Variants in PLCH2 observed in about 807,000 individuals in gnomAD.
The protein encoded by PLCH2 is phospholipase C eta 2, also known as 1-phosphatidylinositol 4,5-bisphosphate phosphodiesterase eta-2.
Under a neutral mutation model 134.7 loss-of-function variants are expected in PLCH2, and 98 were observed. The ratio of observed to expected loss-of-function variants is 0.73; its 90% CI spans 0.62 to 0.86. The LOEUF is 0.86. Among genes scored for constraint, PLCH2 ranks in the 40% least tolerant of loss-of-function variants. The pLI, the probability that PLCH2 is intolerant of heterozygous loss-of-function variation, is 0.00. For synonymous variants in PLCH2, 974 were observed against 827.5 expected (o/e 1.18, Z -3.04); for missense variants, 1,994 against 1,986.6 (o/e 1.00, Z -0.07).
Position 2,479,270 on chromosome 1 carries a change from C to T in PLCH2, c.272-464C>T, listed in dbSNP as rs906064401. 5.4e-5 allele frequency: 9 copies of T among 167,254 alleles called. No individual in the cohort carries two copies. The East Asian group carries it at 8.4e-4, about 16-fold the overall frequency. 10.4% of individuals were successfully genotyped at this position (167,254 alleles called of 1,614,324 possible). On this transcript the variant is annotated intron_variant, in intron 2 of 21. Transcript: ENST00000378486. The stretch of plus-strand genomic sequence containing the variant: ...GCCACTTTGGGCCCGTGGAGAGAGT[C>T]GCGCTGCGGAGCCCCCAGGGGGACC...
chr1:2,424,415 T>C (rs1423897509), upstream of PLCH2, among the ~76,000 whole-genome samples: 1 of 152,228 alleles, frequency 6.6e-6, no homozygotes, highest in African/African-American at 2.4e-5. Flanking sequence ...CTTTCTACCC[T>C]GCTTCTATGA....
At position 2,501,057 on chromosome 1, in the gene PLCH2, C is replaced by T. The variant is rs955075552; in HGVS notation, c.2662-1055C>T. 17 of 152,092 alleles carry T rather than the reference C, an allele frequency of 1.1e-4. No homozygotes were observed. The East Asian group carries it at 2.1e-3, about 19-fold the overall frequency. 9.4% of individuals were successfully genotyped at this position (152,092 alleles called of 1,614,324 possible). A position where few individuals can be genotyped will look rare whatever the true frequency, so the allele number is the denominator to read the frequency against. On this transcript the variant is annotated intron_variant, in intron 20 of 21. Transcript: ENST00000378486. ...GAGGGCACCCCTGAGGCCGGCGCTC[C>T]GAGCCAGAATCCCGGATCTGCTTCT...
intron 2 of PLCH2, among the ~76,000 whole-genome samples, chr1:2,434,583 C>T (rs1169180559): frequency 6.6e-6 from 1 of 152,248 alleles, no homozygotes; most frequent in African/African-American, 2.4e-5. Flanking sequence ...CTTTGAGATG[C>T]AGAACCCTGG....
chr1:2,435,140 C>G (rs77488960), intron 2 of PLCH2, among the ~76,000 whole-genome samples: 12,577 of 152,194 alleles, frequency 0.083, 654 homozygotes, highest in East Asian at 0.25. Context: ...TCCAGGAGCT[C>G]TGCTGGGAGG....
intron 1 of PLCH2, among the ~76,000 whole-genome samples, chr1:2,469,088 C>T (rs1430558787): frequency 6.6e-6 from 1 of 152,178 alleles, no homozygotes; most frequent in Non-Finnish European, 1.5e-5. Context: ...TGCACCCACT[C>T]GCTGACCGCA....
rs1021598928 is a variant in PLCH2, at chr1:2,447,518, C to T, written c.115+16889C>T. On this transcript the variant is annotated intron_variant, in intron 2 of 3. Transcript: ENST00000609981. ...GTGGAGATTCCACCAGGGGAGGCCC[C>T]GTGTTGAGGGCCTGCAGCTCCAGGG... Among the ~76,000 whole-genome samples the T allele has an allele frequency of 5.9e-5, 9 of 152,280 alleles. 1 individual carries two copies. The highest frequency in any genetic ancestry group is 1.2e-4 in the African/African-American group (5 of 41,556).
the PLCH2 span, among the ~76,000 whole-genome samples, chr1:2,417,832 C>T: frequency 7.9e-5 from 12 of 152,202 alleles, no homozygotes; most frequent in African/African-American, 1.2e-4. Flanking sequence ...GAGGTGTGAC[C>T]TTGAGCAGCT....
At chr1:2,450,495 C>T (rs1241637699) in intron 2 of PLCH2, among the ~76,000 whole-genome samples, 1 of 150,790 alleles carries the variant, frequency 6.6e-6, no homozygotes, top group Non-Finnish European at 1.5e-5. Context: ...AGCCTGCGCC[C>T]TATACAGCCT....
At chr1:2,462,325 C>T (rs540172965) in intron 2 of PLCH2, among the ~76,000 whole-genome samples, 9 of 123,500 alleles carry the variant, frequency 7.3e-5, no homozygotes, top group Non-Finnish European at 1.6e-4. Context: ...CTCTGCCTGA[C>T]ACCCCTCTGC....
chr1:2,420,058 G>A, the PLCH2 span, among the ~76,000 whole-genome samples: 1 of 151,456 alleles, frequency 6.6e-6, no homozygotes, highest in African/African-American at 2.4e-5. Flanking sequence ...ATGGGGGTGG[G>A]GGCAGGCACA....
rs780253820 is a variant in PLCH2, at chr1:2,489,717, C to A, written c.1408-43C>A. Reference sequence around the variant, plus strand: ...TGGGTGCCAGGTACTGGCTTCCCAGCATTTTCTCCAGGGCCCCTCCCATCA... The same window carrying A: ...TGGGTGCCAGGTACTGGCTTCCCAGAATTTTCTCCAGGGCCCCTCCCATCA... On this transcript the variant is annotated intron_variant, in intron 9 of 21. Transcript: ENST00000378486. 8.1e-6 allele frequency: 12 copies of A among 1,480,214 alleles called. No individual in the cohort carries two copies. The South Asian group carries it at 1.1e-4, about 14-fold the overall frequency. The allele number at this position is 1,480,214 out of a possible 1,614,324, so 91.7% of individuals were successfully genotyped here.
Position 2,490,290 on chromosome 1 carries a change from T to C in PLCH2, c.1515+423T>C, listed in dbSNP as rs531248169. Among the ~76,000 whole-genome samples, 86 of 152,272 alleles carry C rather than the reference T, an allele frequency of 5.6e-4. 1 individual carries two copies. The highest frequency in any genetic ancestry group is 1.2e-3 in the South Asian group (6 of 4,826). On this transcript the variant is annotated intron_variant, in intron 10 of 21. Transcript: ENST00000378486. ...CAAGTCTGGCTGGACGCTGGGTGGC[T>C]GGTAGTACTGCCCAGCCACCCCCGT... is the stretch of plus-strand genomic sequence containing the variant.
At chr1:2,485,086 G>C (rs1002588750) in intron 5 of PLCH2, among the ~76,000 whole-genome samples, 1 of 152,152 alleles carries the variant, frequency 6.6e-6, no homozygotes, top group Non-Finnish European at 1.5e-5. Flanking sequence ...TAGGGTGCCA[G>C]GCCCGCCACA....
chr1:2,433,064 C>T (rs1003319484), intron 2 of PLCH2, among the ~76,000 whole-genome samples: 7 of 152,218 alleles, frequency 4.6e-5, no homozygotes, highest in South Asian at 2.1e-4. Context: ...CTGGGAGGAT[C>T]GAACAGCTTG....
rs1288677689 is a variant in PLCH2 at position 2,467,653 on chromosome 1, C to T, written c.34C>T (p.Gln12Ter). 1 of 411,846 alleles carries T rather than the reference C, an allele frequency of 2.4e-6. No homozygotes were observed. 25.5% of individuals were successfully genotyped at this position (411,846 alleles called of 1,614,324 possible). A position where few individuals can be genotyped will look rare whatever the true frequency, so the allele number is the denominator to read the frequency against. The change falls in exon 1 of 22, where the codon CAA becomes TAA. Residue 12 changes from glutamine to a stop codon, truncating the protein, a stop_gained. Coordinates refer to the PLCH2 transcript ENST00000449969. LOFTEE classifies it high-confidence loss of function. ...GCCTGGGCCCCCAGGTGGGCTCAGC[C>T]AAGACCAAGGTAAGGGGGCAGGTGG...
intron 19 of PLCH2, 111 bp from the exon 20 acceptor site, chr1:2,499,530 C>T: frequency 2.4e-6 from 2 of 844,990 alleles, no homozygotes; most frequent in Non-Finnish European, 3.9e-6. Context: ...CAGGCCTGGG[C>T]TTGTTGGGTG....
chr1:2,426,669 G>T (rs1638812939), intron 1 of PLCH2, among the ~76,000 whole-genome samples: 1 of 152,246 alleles, frequency 6.6e-6, no homozygotes, highest in African/African-American at 2.4e-5. Flanking sequence ...CATGAAGCTG[G>T]CCCCTGAGCG....
At chr1:2,490,469 T>C (rs1476522023) in intron 10 of PLCH2, among the ~76,000 whole-genome samples, 1 of 151,996 alleles carries the variant, frequency 6.6e-6, no homozygotes, top group African/African-American at 2.4e-5. Context: ...CTGTGAGGTG[T>C]TGGGCTCGGG....
intron 2 of PLCH2, among the ~76,000 whole-genome samples, chr1:2,447,931 C>T (rs1330004584): frequency 1.3e-5 from 2 of 152,180 alleles, no homozygotes; most frequent in Non-Finnish European, 2.9e-5. Context: ...GCAGGGCACT[C>T]GGCCCCTGCT....
Sources: allele counts gnomAD v4.1 joint callset (sites outside exome capture counted in the v4.1 genomes callset), GRCh38; gene constraint gnomAD v4.1.1; transcripts MANE v1.5; gene names NCBI Gene and HGNC (gene_info 2026-07-23, HGNC 2026-07-21).